The following SEMA3D variants were observed in gnomAD, a reference collection of about 807,000 sequenced individuals.
The protein encoded by SEMA3D is semaphorin-3D.
Under a neutral mutation model 100.1 loss-of-function variants are expected in SEMA3D, and 84 were observed. The ratio of observed to expected loss-of-function variants is 0.84; its 90% CI spans 0.70 to 1.01. The LOEUF (loss-of-function observed/expected upper bound fraction) is 1.01, where lower values mean the gene tolerates loss of function less well. Among genes scored for constraint, SEMA3D ranks in the 50% least tolerant of loss-of-function variants. The pLI is 0.00. For synonymous variants in SEMA3D, 312 were observed against 320.7 expected (o/e 0.97, Z 0.29); for missense variants, 875 against 934.1 (o/e 0.94, Z 0.82).
At chr7:85,220,692 C>A in the SEMA3D span, among the ~76,000 whole-genome samples, 1 of 151,930 alleles carries the variant, frequency 6.6e-6, no homozygotes, top group African/African-American at 2.4e-5. Flanking sequence ...CTGAAAAAGA[C>A]TACAAATTTA....
chr7:85,034,705 A>G (rs1790644080), intron 12 of SEMA3D, among the ~76,000 whole-genome samples: 1 of 152,130 alleles, frequency 6.6e-6, no homozygotes, highest in Admixed American at 6.6e-5. Flanking sequence ...GCCAATGGGT[A>G]CATGAAAATT....
chr7:85,233,747 C>T, the SEMA3D span, among the ~76,000 whole-genome samples: 1 of 152,186 alleles, frequency 6.6e-6, no homozygotes. Flanking sequence ...GATACCAATA[C>T]AAGCAAGAAT....
At chr7:85,111,358 C>T (rs529732701) in intron 3 of SEMA3D, among the ~76,000 whole-genome samples, 110 of 152,158 alleles carry the variant, frequency 7.2e-4, no homozygotes, top group African/African-American at 2.5e-3. Context: ...AATATGTCCA[C>T]TTGATCTTCC....
At chr7:85,143,246 CTT>C (rs1790107300) in intron 2 of SEMA3D, 1 of 616,444 alleles carries the variant, frequency 1.6e-6, no homozygotes, top group African/African-American at 2.0e-5. Flanking sequence ...AATGTTAATA[CTT>C]TTATTATAAT....
In SEMA3D at chr7:85,083,071, G is replaced by C. The variant is rs187392759; in HGVS notation, c.313-1492C>G. 7.4e-4 allele frequency among the ~76,000 whole-genome samples: 113 copies of C among 152,256 alleles called. No individual in the cohort carries two copies. The Middle Eastern group carries it at 0.017, about 23-fold the overall frequency. ...AATGGAAATTAGCAACTCATTATTA[G>C]GTCTAAAAAGAATATCTCCTCAAAT... On this transcript the variant is annotated intron_variant, in intron 4 of 18. Coordinates refer to ENST00000284136, the MANE Select transcript of SEMA3D (RefSeq NM_001384900.1).
chr7:85,100,379 C>T (rs972664617), intron 3 of SEMA3D, among the ~76,000 whole-genome samples: 1 of 150,772 alleles, frequency 6.6e-6, no homozygotes, highest in African/African-American at 2.4e-5. Flanking sequence ...GTGATATGCA[C>T]AGACTCCTAT....
intron 2 of SEMA3D, among the ~76,000 whole-genome samples, chr7:85,131,686 C>T (rs1332332560): frequency 1.3e-5 from 2 of 151,736 alleles, no homozygotes; most frequent in Non-Finnish European, 2.9e-5. Flanking sequence ...ATAGTACATT[C>T]AATGGTATTT....
At chr7:85,105,336 G>T (rs1436904601) in intron 3 of SEMA3D, among the ~76,000 whole-genome samples, 1 of 151,956 alleles carries the variant, frequency 6.6e-6, no homozygotes, top group Non-Finnish European at 1.5e-5. Flanking sequence ...GGCAAGGCAT[G>T]GATTCTCTCT....
At chr7:85,247,552 A>G in the SEMA3D span, among the ~76,000 whole-genome samples, 1 of 152,154 alleles carries the variant, frequency 6.6e-6, no homozygotes, top group Non-Finnish European at 1.5e-5. Flanking sequence ...AAATGATTTC[A>G]AGTTTACATG....
the SEMA3D span, among the ~76,000 whole-genome samples, chr7:85,222,397 A>C: frequency 1.3e-5 from 2 of 152,136 alleles, no homozygotes; most frequent in African/African-American, 4.8e-5. Flanking sequence ...ACTATAAAAC[A>C]CTATACATAT....
chr7:85,042,437 A>C (rs1412095354), intron 9 of SEMA3D, 152 bp from the exon 10 acceptor site: 1 of 616,664 alleles, frequency 1.6e-6, no homozygotes, highest in Non-Finnish European at 2.9e-6. Context: ...TAAAATAAGG[A>C]AAAAGACAGT....
rs17159580 is a variant in SEMA3D, at chr7:85,046,204, C to T, written c.862-3919G>A. Among the ~76,000 whole-genome samples the T allele has an allele frequency of 6.8e-3, 1,034 of 151,916 alleles. 9 individuals carry two copies. Among genetic ancestry groups the T allele is most frequent in the African/African-American group, 0.024 (990 of 41,516 alleles). ...TACAGTATTCATAAAAATGAGCAATCGTATCCTCTTTTAAACATTTTACTA... is the reference window on the plus strand; with the variant it reads ...TACAGTATTCATAAAAATGAGCAATTGTATCCTCTTTTAAACATTTTACTA... On this transcript the variant is annotated intron_variant, in intron 9 of 18. Transcript: ENST00000284136.
intron 16 of SEMA3D, among the ~76,000 whole-genome samples, chr7:85,014,681 T>A (rs761669422): frequency 2.6e-5 from 4 of 151,730 alleles, no homozygotes; most frequent in Non-Finnish European, 5.9e-5. Flanking sequence ...TATTTATATA[T>A]TATTTGCAAA....
chr7:85,043,667 T>C (rs763130231), intron 9 of SEMA3D, among the ~76,000 whole-genome samples: 11 of 152,078 alleles, frequency 7.2e-5, no homozygotes, highest in South Asian at 4.1e-4. Context: ...TGGGAGATGA[T>C]TGAATTATGG....
chr7:85,132,092 C>A (rs1255375541), intron 2 of SEMA3D, among the ~76,000 whole-genome samples: 1 of 151,686 alleles, frequency 6.6e-6, no homozygotes, highest in African/African-American at 2.4e-5. Context: ...TGTTTATGAT[C>A]AATTTTTGAA....
At chr7:85,179,235 G>C (rs1791327430) in intron 1 of SEMA3D, among the ~76,000 whole-genome samples, 1 of 152,116 alleles carries the variant, frequency 6.6e-6, no homozygotes, top group African/African-American at 2.4e-5. Flanking sequence ...TGAGAAGAGG[G>C]CCACCATCCT....
Position 85,018,304 on chromosome 7 carries a change from A to G in SEMA3D, c.1504-11T>C. ...GATGATTGATGAGTGCTGAAAATAGAAGTTAAATGTCAATAAAGATAATCA... is the reference window on the plus strand; with the variant it reads ...GATGATTGATGAGTGCTGAAAATAGGAGTTAAATGTCAATAAAGATAATCA... On this transcript the variant is annotated splice_polypyrimidine_tract_variant and intron_variant, in intron 14 of 18. Coordinates refer to ENST00000284136, the MANE Select transcript of SEMA3D (RefSeq NM_001384900.1). The G allele has an allele frequency of 6.4e-7, 1 of 1,556,926 alleles. No individual in the cohort carries two copies.
chr7:85,201,908 A>C, the SEMA3D span, among the ~76,000 whole-genome samples: 2 of 151,562 alleles, frequency 1.3e-5, no homozygotes, highest in Non-Finnish European at 2.9e-5. Flanking sequence ...TTTGTAGAGA[A>C]GGGGTCTCAC....
At chr7:85,147,747 C>T (rs1215912115) in intron 2 of SEMA3D, among the ~76,000 whole-genome samples, 1 of 152,066 alleles carries the variant, frequency 6.6e-6, no homozygotes, top group Non-Finnish European at 1.5e-5. Flanking sequence ...TATATATCTG[C>T]TAATTTATTG....
Sources: gnomAD v4.1 joint callset for allele counts (sites outside exome capture counted in the v4.1 genomes callset) on GRCh38, gnomAD v4.1.1 for gene constraint, MANE v1.5 for transcripts, NCBI Gene and HGNC (gene_info 2026-07-23, HGNC 2026-07-21) for gene names.